Variants in ELOVL5 observed in about 807,000 individuals in gnomAD.
ELOVL5 encodes very long chain fatty acid elongase 5.
ELOVL5 carries 8 observed loss-of-function variants against 38.6 expected under a neutral mutation model. The ratio of observed to expected loss-of-function variants is 0.21; its 90% CI spans 0.12 to 0.37. The LOEUF (loss-of-function observed/expected upper bound fraction) is 0.37, where lower values mean the gene tolerates loss of function less well. Ranked by LOEUF, ELOVL5 falls within the 10% of genes least tolerant of loss-of-function variation. The probability of loss-of-function intolerance (pLI) is 1.00; values close to 1 mark genes in which losing one functional copy is unlikely to be tolerated. For missense variants in ELOVL5, 280 were observed against 367.8 expected (o/e 0.76, Z 1.95); for synonymous variants, 127 against 133.7 (o/e 0.95, Z 0.34).
intron 7 of ELOVL5, 81 bp downstream of exon 7, chr6:53,270,512 A>G: frequency 2.0e-6 from 3 of 1,492,812 alleles, no homozygotes; most frequent in Non-Finnish European, 2.8e-6. Context: ...CAAGGGCTCC[A>G]CATGCCCATT....
At chr6:53,294,259 T>C (rs1476656041) in intron 2 of ELOVL5, 1 of 1,545,992 alleles carries the variant, frequency 6.5e-7, no homozygotes, top group Non-Finnish European at 8.7e-7. Context: ...TCTGTGGTGG[T>C]CCTAACCCCC....
intron 3 of ELOVL5, among the ~76,000 whole-genome samples, chr6:53,285,955 C>G (rs755519072): frequency 6.6e-6 from 1 of 151,950 alleles, no homozygotes. Flanking sequence ...AGATTTAATG[C>G]GATTGCACAC....
At chr6:53,332,092 G>A (rs1047204569) in intron 1 of ELOVL5, among the ~76,000 whole-genome samples, 1 of 152,138 alleles carries the variant, frequency 6.6e-6, no homozygotes, top group African/African-American at 2.4e-5. Context: ...TGAGGGATTC[G>A]TCTCCATGAC....
intron 1 of ELOVL5, among the ~76,000 whole-genome samples, chr6:53,301,504 G>A (rs1452640574): frequency 6.6e-6 from 1 of 152,098 alleles, no homozygotes; most frequent in Non-Finnish European, 1.5e-5. Flanking sequence ...AAAAGACCAC[G>A]CTGACACCAA....
rs571465566 is a variant in ELOVL5, at chr6:53,323,797, G to A, written c.-9+25020C>T. 4.0e-3 allele frequency among the ~76,000 whole-genome samples: 606 copies of A among 152,106 alleles called. 3 individuals are homozygous for A. The highest frequency in any genetic ancestry group is 6.5e-3 in the Non-Finnish European group (442 of 67,960). On this transcript the variant is annotated intron_variant, in intron 1 of 7. Coordinates refer to ENST00000304434, the MANE Select transcript of ELOVL5 (RefSeq NM_021814.5). ...AGGGTTTCTCCATGTTGGTCAGGCT[G>A]GTCTCGAACTCCCGACCATCTGACC... is the stretch of plus-strand genomic sequence containing the variant.
chr6:53,333,999 T>C (rs1021383544), intron 1 of ELOVL5, among the ~76,000 whole-genome samples: 2 of 152,060 alleles, frequency 1.3e-5, no homozygotes, highest in African/African-American at 2.4e-5. Context: ...CTAATGTCAA[T>C]ATGGTCTATA....
intron 1 of ELOVL5, among the ~76,000 whole-genome samples, chr6:53,327,489 T>TACAGAG (rs1218713459): frequency 7.1e-6 from 1 of 140,034 alleles, no homozygotes; most frequent in East Asian, 2.1e-4. Context: ...TAGGCAAATC[T>TACAGAG]ACAGAGACAG....
intron 7 of ELOVL5, 86 bp from the exon 8 acceptor site, chr6:53,269,356 G>T: frequency 1.9e-6 from 2 of 1,080,130 alleles, no homozygotes; most frequent in South Asian, 4.1e-5. Flanking sequence ...CCTAACACTA[G>T]GCCTAGTTTC....
intron 1 of ELOVL5, among the ~76,000 whole-genome samples, chr6:53,324,929 T>C (rs1768470489): frequency 6.6e-6 from 1 of 152,164 alleles, no homozygotes; most frequent in Non-Finnish European, 1.5e-5. Context: ...AGGGTGATAT[T>C]GCATAAATAA....
chr6:53,275,572 G>A (rs888365790), intron 4 of ELOVL5, among the ~76,000 whole-genome samples: 3 of 152,310 alleles, frequency 2.0e-5, no homozygotes, highest in African/African-American at 7.2e-5. Context: ...CTTGAAGTCT[G>A]CCTATTCCCT....
chr6:53,284,686 A>T (rs2127571580), intron 3 of ELOVL5, among the ~76,000 whole-genome samples: 1 of 152,346 alleles, frequency 6.6e-6, no homozygotes, highest in South Asian at 2.1e-4. Context: ...ACTCTGCATT[A>T]AGCAACTCTA....
intron 1 of ELOVL5, among the ~76,000 whole-genome samples, chr6:53,305,360 G>T (rs868271830): frequency 8.8e-6 from 1 of 113,886 alleles, no homozygotes; most frequent in Admixed American, 7.3e-5. Context: ...CGGACGGGGC[G>T]GCTGGCCTGG....
At chr6:53,275,425 C>G (rs909247605) in intron 4 of ELOVL5, among the ~76,000 whole-genome samples, 164 bp from the exon 5 acceptor site, 3 of 152,156 alleles carry the variant, frequency 2.0e-5, no homozygotes, top group African/African-American at 7.2e-5. Context: ...TATGGTCACT[C>G]TCCAAGTACC....
intron 1 of ELOVL5, among the ~76,000 whole-genome samples, chr6:53,342,427 T>C (rs1387447946): frequency 6.6e-6 from 1 of 152,152 alleles, no homozygotes; most frequent in Non-Finnish European, 1.5e-5. Context: ...GTTCAGAAAC[T>C]CATAAAACAC....
At chr6:53,321,127 C>T (rs1418160792) in intron 1 of ELOVL5, among the ~76,000 whole-genome samples, 4 of 152,222 alleles carry the variant, frequency 2.6e-5, no homozygotes, top group African/African-American at 9.6e-5. Context: ...TGCCTTCTTC[C>T]TTACGTAAGA....
At chr6:53,286,838 G>C (rs185994651) in intron 3 of ELOVL5, among the ~76,000 whole-genome samples, 12 of 152,024 alleles carry the variant, frequency 7.9e-5, no homozygotes, top group African/African-American at 2.9e-4. Context: ...ATCTTAGAAC[G>C]TACTATGTGT....
At chr6:53,302,086 C>T (rs757890950) in intron 1 of ELOVL5, among the ~76,000 whole-genome samples, 85 of 151,886 alleles carry the variant, frequency 5.6e-4, no homozygotes, top group Non-Finnish European at 8.5e-4. Flanking sequence ...GGCCTGAATT[C>T]GAGAGAAAGA....
chr6:53,297,295 C>T (rs967562838), intron 1 of ELOVL5, among the ~76,000 whole-genome samples: 1 of 152,166 alleles, frequency 6.6e-6, no homozygotes, highest in Non-Finnish European at 1.5e-5. Flanking sequence ...TACAGTAGTC[C>T]CCTCTTAATC....
At chr6:53,332,304 G>C (rs1561891744) in intron 1 of ELOVL5, among the ~76,000 whole-genome samples, 1 of 152,196 alleles carries the variant, frequency 6.6e-6, no homozygotes, top group African/African-American at 2.4e-5. Context: ...ACAGGAGTGA[G>C]GTGATTTTCA....
Sources: gnomAD v4.1 joint callset for allele counts (sites outside exome capture counted in the v4.1 genomes callset) on GRCh38, gnomAD v4.1.1 for gene constraint, MANE v1.5 for transcripts, NCBI Gene and HGNC (gene_info 2026-07-23, HGNC 2026-07-21) for gene names.